Variants in DLGAP1 observed in about 807,000 individuals in gnomAD.
DLGAP1 encodes the protein DLG associated protein 1, also known as disks large-associated protein 1.
In DLGAP1, 11 loss-of-function variants were observed where a neutral mutation model predicts 90.8. The ratio of observed to expected loss-of-function variants is 0.12; its 90% CI spans 0.08 to 0.20. The LOEUF is 0.20. DLGAP1 is among the 10% of genes least tolerant of loss of function. DLGAP1 has a pLI of 1.00. For synonymous variants in DLGAP1, 558 were observed against 540.7 expected, an observed-to-expected ratio of 1.03 and a Z score of -0.44; for missense variants, 1,050 against 1,333.8, an observed-to-expected ratio of 0.79 and a Z score of 3.31.
chr18:3,873,163 T>C (rs2070857580), intron 4 of DLGAP1, among the ~76,000 whole-genome samples: 3 of 152,210 alleles, frequency 2.0e-5, no homozygotes, highest in African/African-American at 7.2e-5. Context: ...GTCAATTTTT[T>C]TTTCCCTTTA....
chr18:4,149,971 G>C (rs537605659), intron 2 of DLGAP1, among the ~76,000 whole-genome samples: 13 of 152,316 alleles, frequency 8.5e-5, no homozygotes, highest in African/African-American at 3.1e-4. Flanking sequence ...CCAAAACCAA[G>C]GAGAAAAAGT....
At chr18:3,834,678 G>C (rs2068269189) in intron 4 of DLGAP1, among the ~76,000 whole-genome samples, 1 of 152,190 alleles carries the variant, frequency 6.6e-6, no homozygotes, top group Admixed American at 6.5e-5. Context: ...TGTTAAAATG[G>C]TAACAGTGAT....
chr18:4,045,191 C>T (rs1159753376), intron 2 of DLGAP1, among the ~76,000 whole-genome samples: 6 of 151,942 alleles, frequency 3.9e-5, no homozygotes, highest in Non-Finnish European at 8.8e-5. Flanking sequence ...CACTGTCCCT[C>T]GACTTTCACC....
At chr18:4,122,752 G>C (rs1430900706) in intron 2 of DLGAP1, among the ~76,000 whole-genome samples, 4 of 152,166 alleles carry the variant, frequency 2.6e-5, no homozygotes, top group Non-Finnish European at 4.4e-5. Context: ...ACATCCTAAG[G>C]TTGTAAAGCT....
chr18:4,060,782 T>C lies in DLGAP1; in HGVS notation c.-158-55581A>G, dbSNP rs187742489. Among the ~76,000 whole-genome samples the C allele has an allele frequency of 2.9e-3, 438 of 152,312 alleles. 2 individuals carry two copies. The highest frequency in any genetic ancestry group is 4.6e-3 in the Non-Finnish European group (312 of 68,024). ...TGATAAAGGATCTTGTATGGTAAAT[T>C]CTTGTCCTAAAGCAAAATGACTGGT... On this transcript the variant is annotated intron_variant, in intron 2 of 12. Transcript: ENST00000315677.
chr18:4,076,191 C>T (rs541304898), intron 2 of DLGAP1, among the ~76,000 whole-genome samples: 7 of 152,240 alleles, frequency 4.6e-5, no homozygotes, highest in African/African-American at 1.7e-4. Context: ...TCCTTAAAAA[C>T]ACACCATATA....
intron 3 of DLGAP1, among the ~76,000 whole-genome samples, chr18:3,992,149 C>T (rs935800358): frequency 6.6e-6 from 1 of 152,076 alleles, no homozygotes; most frequent in African/African-American, 2.4e-5. Context: ...ACTTAGTTTG[C>T]CTCATTATAT....
At chr18:3,664,638 T>A (rs955208898) in intron 7 of DLGAP1, among the ~76,000 whole-genome samples, 1 of 152,078 alleles carries the variant, frequency 6.6e-6, no homozygotes, top group African/African-American at 2.4e-5. Flanking sequence ...TTACAATAGA[T>A]CCTCCCACAA....
At chr18:4,243,124 A>G (rs2078579774) in intron 1 of DLGAP1, among the ~76,000 whole-genome samples, 1 of 152,200 alleles carries the variant, frequency 6.6e-6, no homozygotes, top group African/African-American at 2.4e-5. Flanking sequence ...AGTGTTTAGT[A>G]GAATCATTCT....
intron 7 of DLGAP1, among the ~76,000 whole-genome samples, chr18:3,609,760 T>C (rs1023588826): frequency 1.3e-5 from 2 of 151,814 alleles, no homozygotes; most frequent in African/African-American, 4.8e-5. Context: ...AATTCAAATA[T>C]GAAAACCATC....
At position 3,767,610 on chromosome 18, in the gene DLGAP1, G is replaced by A. The variant is rs919532013; in HGVS notation, c.1173-25098C>T. Among the ~76,000 whole-genome samples, 20 of 151,940 alleles carry A rather than the reference G, an allele frequency of 1.3e-4. 1 individual carries two copies. Among genetic ancestry groups the A allele is most frequent in the African/African-American group, 4.6e-4 (19 of 41,346 alleles). On this transcript the variant is annotated intron_variant, in intron 5 of 12. Coordinates refer to ENST00000315677, the MANE Select transcript of DLGAP1 (RefSeq NM_004746.4). ...TTCCACTTTCAGAAATGCAAGGCCC[G>A]TTCCATATCTGAACATTAATGTAAT...
chr18:4,057,036 CA>C, intron 2 of DLGAP1, among the ~76,000 whole-genome samples: 1 of 150,536 alleles, frequency 6.6e-6, no homozygotes. Flanking sequence ...CACACACACA[CA>C]CACACACACA....
chr18:3,523,340 G>C (rs185357977), intron 10 of DLGAP1, among the ~76,000 whole-genome samples: 2 of 150,424 alleles, frequency 1.3e-5, no homozygotes, highest in African/African-American at 4.9e-5. Context: ...TCACACTACC[G>C]CACTCCAGCC....
chr18:4,395,591 C>G (rs932403806), intron 1 of DLGAP1, among the ~76,000 whole-genome samples: 15 of 152,024 alleles, frequency 9.9e-5, no homozygotes, highest in African/African-American at 2.9e-4. Context: ...GGGGTGGAGA[C>G]GGGTGAAGGA....
At position 4,383,357 on chromosome 18, in the gene DLGAP1, G is replaced by A. The variant is rs1456441293; in HGVS notation, c.-267+71649C>T. 6.6e-6 allele frequency among the ~76,000 whole-genome samples: 1 copy of A among 152,026 alleles called. No individual in the cohort carries two copies. The highest frequency in any genetic ancestry group is 1.5e-5 in the Non-Finnish European group (1 of 67,984). ...AACTCAAAATATTTAGTACATTAAT[G>A]GGATTTTCATGGTTTTCATTAGCAT... On this transcript the variant is annotated intron_variant, in intron 1 of 12. Transcript: ENST00000315677. The surrounding 1 kb of genome is among the most constrained non-coding windows in gnomAD (Gnocchi z 4.0).
At chr18:4,191,889 T>G (rs773832278) in intron 1 of DLGAP1, among the ~76,000 whole-genome samples, 4 of 152,134 alleles carry the variant, frequency 2.6e-5, no homozygotes, top group Non-Finnish European at 5.9e-5. Context: ...GTTCCATGGG[T>G]GCACACAATG....
In DLGAP1 at chr18:3,518,062, T is replaced by C. The variant is rs563227920; in HGVS notation, c.2480-9401A>G. On this transcript the variant is annotated intron_variant, in intron 10 of 12. Transcript: ENST00000315677. ...CACAAAAAGCCTAGCTTCTGGCTTA[T>C]TTTGACTTTTGACATGCCTTCCTAA... is the stretch of plus-strand genomic sequence containing the variant. 7.9e-5 allele frequency among the ~76,000 whole-genome samples: 12 copies of C among 152,352 alleles called. No homozygotes were observed. In the East Asian group the frequency reaches 2.3e-3, roughly 29 times the overall value.
At chr18:4,440,269 C>A (rs1030110564) in intron 1 of DLGAP1, among the ~76,000 whole-genome samples, 1 of 151,724 alleles carries the variant, frequency 6.6e-6, no homozygotes, top group African/African-American at 2.4e-5. Context: ...TATTACTTAT[C>A]ATTCATCTTA....
intron 1 of DLGAP1, among the ~76,000 whole-genome samples, chr18:4,166,748 A>G (rs769643495): frequency 5.3e-5 from 8 of 152,236 alleles, no homozygotes; most frequent in Non-Finnish European, 8.8e-5. Context: ...ATGCTGCAAC[A>G]TTGATGAACT....
Sources: gnomAD v4.1 joint callset for allele counts (sites outside exome capture counted in the v4.1 genomes callset) on GRCh38, gnomAD v4.1.1 for gene constraint, Gnocchi (gnomAD v3.1) non-coding constraint, MANE v1.5 for transcripts, NCBI Gene and HGNC (gene_info 2026-07-23, HGNC 2026-07-21) for gene names.